BTD: variants seen among roughly 807,000 people sequenced by gnomAD.
BTD encodes biocytinase.
BTD carries 13 observed loss-of-function variants against 17.7 expected under a neutral mutation model. That is an observed-to-expected ratio of 0.74 (90% CI 0.48 to 1.17). The LOEUF (loss-of-function observed/expected upper bound fraction) is 1.17, where lower values mean the gene tolerates loss of function less well. Among genes scored for constraint, BTD ranks in the 50% most tolerant of loss-of-function variants. The probability of loss-of-function intolerance (pLI) is 0.00; values close to 1 mark genes in which losing one functional copy is unlikely to be tolerated. For synonymous variants in BTD, 240 were observed against 245.2 expected (o/e 0.98, Z 0.20); for missense variants, 674 against 650.4 (o/e 1.04, Z -0.39).
chr3:15,624,991 TGG>T (rs2065033662), intron 1 of BTD, among the ~76,000 whole-genome samples: 1 of 152,244 alleles, frequency 6.6e-6, no homozygotes, highest in South Asian at 2.1e-4. Context: ...CCCTAAGTGC[TGG>T]GATTACAGCC....
At chr3:15,643,027 C>CAAAA (rs200265982) in intron 3 of BTD, among the ~76,000 whole-genome samples, 1 of 99,296 alleles carries the variant, frequency 1.0e-5, no homozygotes, top group African/African-American at 4.9e-5. Context: ...AACTCTGCCT[C>CAAAA]AAAAAAAAAA....
chr3:15,667,965 C>CA (rs1175950034), intron 3 of BTD: 4 of 152,192 alleles, frequency 2.6e-5, no homozygotes, highest in Admixed American at 2.0e-4. Flanking sequence ...GCAGAGAAGT[C>CA]AAACAGCCTG....
downstream of BTD, among the ~76,000 whole-genome samples, chr3:15,657,216 A>G (rs1013246138): frequency 3.3e-5 from 5 of 152,226 alleles, no homozygotes; most frequent in African/African-American, 4.8e-5. Flanking sequence ...GCCATATTCT[A>G]TCAGTAAAGT....
intron 3 of BTD, chr3:15,684,856 G>GC (rs1159422796): frequency 5.3e-6 from 1 of 189,548 alleles, no homozygotes; most frequent in East Asian, 1.5e-4. Context: ...CTACATGGTG[G>GC]CTCATGCCTG....
downstream of BTD, among the ~76,000 whole-genome samples, chr3:15,716,849 C>T (rs747260169): frequency 1.3e-5 from 2 of 152,238 alleles, no homozygotes; most frequent in African/African-American, 2.4e-5. Context: ...ATAATTCCAG[C>T]GCTTGGGGAG....
chr3:15,663,673 C>T (rs1160193694), intron 3 of BTD, among the ~76,000 whole-genome samples: 1 of 152,078 alleles, frequency 6.6e-6, no homozygotes, highest in Non-Finnish European at 1.5e-5. Context: ...GAAGTCTCTT[C>T]TCATTTCTGA....
At position 15,625,736 on chromosome 3, in the gene BTD, T is replaced by C. The variant is rs374927222; in HGVS notation, c.-16-9688T>C. Among the ~76,000 whole-genome samples, 46 of 152,256 alleles carry C rather than the reference T, an allele frequency of 3.0e-4. 1 individual carries two copies. The East Asian group carries it at 7.3e-3, about 24-fold the overall frequency. ...TCGCCCAGCTAATTTTTTGTATTTT[T>C]AGTAGAGATGGGGTTTCACCGTGTT... is the stretch of plus-strand genomic sequence containing the variant. On this transcript the variant is annotated intron_variant, in intron 1 of 3. Transcript: ENST00000643237.
Position 15,645,641 on chromosome 3 carries a change from A to G in BTD, c.*153A>G. The G allele has an allele frequency of 1.3e-6, 1 of 790,416 alleles. No homozygotes were observed. The highest frequency in any genetic ancestry group is 2.0e-6 in the Non-Finnish European group (1 of 505,472). 49.0% of individuals were successfully genotyped at this position (790,416 alleles called of 1,614,324 possible). Reference sequence around the variant, plus strand: ...CCACCCTGGGAACTGTGGAAAAAGTAGGAGAGGCAGATTCCCTCAGTGTCT... The same window carrying G: ...CCACCCTGGGAACTGTGGAAAAAGTGGGAGAGGCAGATTCCCTCAGTGTCT... On this transcript the variant is annotated 3_prime_UTR_variant, in exon 4 of 4. Transcript: ENST00000643237.
chr3:15,644,616 G>T lies in BTD; in HGVS notation c.700G>T (p.Ala234Ser). 1 of 1,614,160 alleles carries T rather than the reference G, an allele frequency of 6.2e-7. No individual in the cohort carries two copies. Among genetic ancestry groups the T allele is most frequent in the African/African-American group, 1.3e-5 (1 of 75,038 alleles). ...CTTTGATATATTGTTCTTTGACCCTGCCATCAGAGTCCTCAGAGACTACAA... is the reference window on the plus strand; with the variant it reads ...CTTTGATATATTGTTCTTTGACCCTTCCATCAGAGTCCTCAGAGACTACAA... ...TCFDILFFDP[A>S]IRVLRDYKVK... Residue 234 changes from alanine (A) to serine (S), a missense_variant, in exon 4 of 4, where the codon GCC (alanine) becomes TCC (serine). Physicochemically the swap from Ala to Ser is moderately conservative, Grantham distance 99. Coordinates refer to ENST00000643237, the MANE Select transcript of BTD (RefSeq NM_001370658.1).
At chr3:15,670,892 C>T (rs1220729086) in intron 3 of BTD, among the ~76,000 whole-genome samples, 2 of 152,132 alleles carry the variant, frequency 1.3e-5, no homozygotes, top group Non-Finnish European at 2.9e-5. Context: ...CGTGAATATT[C>T]TTTCAGGATG....
At chr3:15,714,479 C>T (rs1428650035), downstream of BTD, 3 of 820,908 alleles carry the variant, frequency 3.7e-6, no homozygotes, top group South Asian at 1.9e-5. Context: ...ACACAAAATG[C>T]GATGACAATT....
At chr3:15,721,204 G>A (rs1215550173) in intron 4 of BTD, 34 of 1,221,956 alleles carry the variant, frequency 2.8e-5, no homozygotes, top group Non-Finnish European at 3.8e-5. Flanking sequence ...TTAGCAACCT[G>A]TGGTTGCAAT....
At chr3:15,632,254 TCA>T (rs1207532343) in intron 1 of BTD, among the ~76,000 whole-genome samples, 1 of 152,208 alleles carries the variant, frequency 6.6e-6, no homozygotes, top group Non-Finnish European at 1.5e-5. Flanking sequence ...AATCACCATC[TCA>T]CACAGTTATC....
At chr3:15,715,980 C>T (rs2072964409), downstream of BTD, among the ~76,000 whole-genome samples, 3 of 151,660 alleles carry the variant, frequency 2.0e-5, no homozygotes, top group South Asian at 6.2e-4. Flanking sequence ...TTAGCTATGG[C>T]CTTTTTTTTC....
intron 3 of BTD, among the ~76,000 whole-genome samples, chr3:15,698,334 C>A (rs1420624907): frequency 6.6e-6 from 1 of 152,152 alleles, no homozygotes; most frequent in African/African-American, 2.4e-5. Context: ...TGGCACAAGA[C>A]AGGGATGCCC....
intron 3 of BTD, among the ~76,000 whole-genome samples, chr3:15,698,596 A>G (rs543237628): frequency 6.6e-6 from 1 of 152,318 alleles, no homozygotes; most frequent in East Asian, 1.9e-4. Context: ...TACACCAATA[A>G]CAGACAAACA....
At chr3:15,616,585 C>G (rs1398753781) in intron 1 of BTD, among the ~76,000 whole-genome samples, 2 of 151,712 alleles carry the variant, frequency 1.3e-5, no homozygotes, top group East Asian at 1.9e-4. Context: ...CATTGTACTC[C>G]AGCATAGGGG....
Position 15,694,377 on chromosome 3 carries a change from A to C in BTD, c.400-15683A>C, listed in dbSNP as rs116310425. Among the ~76,000 whole-genome samples the C allele has an allele frequency of 4.5e-3, 690 of 152,288 alleles. 3 individuals carry two copies. The highest frequency in any genetic ancestry group is 0.017 in the Middle Eastern group (5 of 294). On this transcript the variant is annotated intron_variant, in intron 3 of 3. Transcript: ENST00000672141. Reference sequence around the variant, plus strand: ...TAGAAATACCACAGAATGTGTGTGTATACCATCTGCTTAGCCAACTTATAA... The same window carrying C: ...TAGAAATACCACAGAATGTGTGTGTCTACCATCTGCTTAGCCAACTTATAA...
At position 15,697,839 on chromosome 3, in the gene BTD, C is replaced by T. The variant is rs554403851; in HGVS notation, c.400-12221C>T. ...TCCTCTTTGTACCTCTGGTAGAATT[C>T]GGCTGTGAATCCATCTGGTCCTGGA... On this transcript the variant is annotated intron_variant, in intron 3 of 3. Coordinates refer to the BTD transcript ENST00000672141. Among the ~76,000 whole-genome samples, 295 of 152,202 alleles carry T rather than the reference C, an allele frequency of 1.9e-3. 1 individual carries two copies. The highest frequency in any genetic ancestry group is 6.7e-3 in the African/African-American group (279 of 41,550).
Sources: gnomAD v4.1 joint callset for allele counts (sites outside exome capture counted in the v4.1 genomes callset) on GRCh38, gnomAD v4.1.1 for gene constraint, MANE v1.5 for transcripts, NCBI Gene and HGNC (gene_info 2026-07-23, HGNC 2026-07-21) for gene names.